The following LAMA1 variants were observed in gnomAD, a reference collection of about 807,000 sequenced individuals.
LAMA1 encodes the protein laminin subunit alpha 1.
A neutral mutation model predicts 348.7 loss-of-function variants in LAMA1; 219 were observed. The observed-to-expected ratio is 0.63, with a 90% CI of 0.56 to 0.70. LAMA1 has a LOEUF of 0.70. Among genes scored for constraint, LAMA1 ranks in the 30% least tolerant of loss-of-function variants. The pLI, the probability that LAMA1 is intolerant of heterozygous loss-of-function variation, is 0.00. For missense variants in LAMA1, 3,744 were observed against 3,888.0 expected (o/e 0.96, Z 0.99); for synonymous variants, 1,487 against 1,491.0 (o/e 1.00, Z 0.06).
At chr18:7,013,180 G>A (rs968116189) in intron 23 of LAMA1, among the ~76,000 whole-genome samples, 1 of 151,720 alleles carries the variant, frequency 6.6e-6, no homozygotes, top group African/African-American at 2.4e-5. Flanking sequence ...AAATAAGGCC[G>A]AAAACGGGGA....
At chr18:7,034,896 T>A (rs1030181282) in intron 13 of LAMA1, among the ~76,000 whole-genome samples, 1 of 152,188 alleles carries the variant, frequency 6.6e-6, no homozygotes, top group Non-Finnish European at 1.5e-5. Flanking sequence ...GTTCTGGTAA[T>A]AAACTGAAAG....
intron 3 of LAMA1, among the ~76,000 whole-genome samples, chr18:7,069,517 A>T (rs2058137400): frequency 6.6e-6 from 1 of 152,140 alleles, no homozygotes; most frequent in Non-Finnish European, 1.5e-5. Context: ...ATCTTTCCCA[A>T]GTTGAATCTC....
chr18:7,045,903 G>A (rs887491889), intron 6 of LAMA1, among the ~76,000 whole-genome samples: 7 of 151,596 alleles, frequency 4.6e-5, no homozygotes, highest in Admixed American at 6.6e-5. Context: ...GGAGAAAATA[G>A]GAAGAGAAAA....
At position 7,024,330 on chromosome 18, in the gene LAMA1, A is replaced by G. The variant is rs748343032; in HGVS notation, c.2489+50T>C. The stretch of plus-strand genomic sequence containing the variant: ...TACGCATTTAAAAATAAACACATAG[A>G]ATTTATATTTAATTTCGAAAATGTG... On this transcript the variant is annotated intron_variant, in intron 18 of 62. Transcript: ENST00000389658. 2.8e-6 allele frequency: 4 copies of G among 1,410,318 alleles called. No individual in the cohort carries two copies. The South Asian group carries it at 4.8e-5, about 17-fold the overall frequency. 87.4% of individuals were successfully genotyped at this position (1,410,318 alleles called of 1,614,324 possible). A position where few individuals can be genotyped will look rare whatever the true frequency, so the allele number is the denominator to read the frequency against.
At position 6,943,236 on chromosome 18, in the gene LAMA1, T is replaced by G. The variant is rs756115640; in HGVS notation, c.9011A>C (p.His3004Pro). 6.2e-7 allele frequency: 1 copy of G among 1,614,216 alleles called. No individual in the cohort carries two copies. Among genetic ancestry groups the G allele is most frequent in the East Asian group, 2.2e-5 (1 of 44,880 alleles). The change falls in exon 62 of 63, where the codon CAC (histidine) becomes CCC (proline). Residue 3004 changes from histidine to proline, a missense_variant. This residue lies in a region of LAMA1 where 232 missense variants were observed against 264.4 expected (regional missense o/e 0.88). Transcript: ENST00000389658. ...GGTGTCCACTGAGGTAGACTGGGTG[T>G]GTGGACTTTCAGCGCCAACTGCGTT... Reference protein sequence around the residue: ...DGNAVGAESPHTQSTSVDTNN... With the variant: ...DGNAVGAESPPTQSTSVDTNN...
intron 1 of LAMA1, among the ~76,000 whole-genome samples, chr18:7,100,274 TA>T (rs138510383): frequency 0.018 from 2,691 of 152,234 alleles, 83 homozygotes; most frequent in African/African-American, 0.062. Context: ...TCAATGTCAT[TA>T]ATCATTGGAG....
chr18:6,988,334 C>T (rs760706302), intron 36 of LAMA1, among the ~76,000 whole-genome samples: 2 of 152,176 alleles, frequency 1.3e-5, no homozygotes, highest in Non-Finnish European at 2.9e-5. Flanking sequence ...CACCAATGTC[C>T]CATGAACTGC....
intron 1 of LAMA1, among the ~76,000 whole-genome samples, chr18:7,085,019 T>C (rs2058208908): frequency 6.6e-6 from 1 of 151,842 alleles, no homozygotes; most frequent in African/African-American, 2.4e-5. Flanking sequence ...AGTATGAGGT[T>C]TTTTTTCCAT....
At chr18:6,949,784 GA>G (rs2057538105) in intron 58 of LAMA1, among the ~76,000 whole-genome samples, 1 of 152,168 alleles carries the variant, frequency 6.6e-6, no homozygotes, top group East Asian at 1.9e-4. Context: ...CTTGCTCAGG[GA>G]CCAAAATCGC....
intron 5 of LAMA1, among the ~76,000 whole-genome samples, chr18:7,047,413 C>T (rs775245113): frequency 5.9e-5 from 9 of 151,988 alleles, no homozygotes; most frequent in Non-Finnish European, 1.2e-4. Flanking sequence ...TAAAACTCTG[C>T]CAAAGAGAAT....
intron 51 of LAMA1, among the ~76,000 whole-genome samples, chr18:6,964,444 G>T (rs554464667): frequency 6.6e-6 from 1 of 152,262 alleles, no homozygotes; most frequent in African/African-American, 2.4e-5. Flanking sequence ...TCCCTGAGGC[G>T]ACCAGAAGCT....
At chr18:7,030,303 G>T (rs1179162045) in intron 16 of LAMA1, among the ~76,000 whole-genome samples, 2 of 152,170 alleles carry the variant, frequency 1.3e-5, no homozygotes, top group African/African-American at 4.8e-5. Flanking sequence ...CTGGCTGGGG[G>T]ACATTCCACA....
rs1323900678 is a variant in LAMA1, at chr18:7,049,066, T to C, written c.768+12A>G. 1 of 1,611,742 alleles carries C rather than the reference T, an allele frequency of 6.2e-7. No homozygotes were observed. Among genetic ancestry groups the C allele is most frequent in the Admixed American group, 1.7e-5 (1 of 60,014 alleles). ...TTTATTTTATTTGGCAGGACTGCCGTCCCATACTCACGCGTCTGGTAACAA... is the reference window on the plus strand; with the variant it reads ...TTTATTTTATTTGGCAGGACTGCCGCCCCATACTCACGCGTCTGGTAACAA... On this transcript the variant is annotated intron_variant, in intron 5 of 62. Coordinates refer to ENST00000389658, the MANE Select transcript of LAMA1 (RefSeq NM_005559.4).
At chr18:6,977,649 G>T in intron 44 of LAMA1, 78 bp downstream of exon 44, 1 of 1,556,938 alleles carries the variant, frequency 6.4e-7, no homozygotes, top group South Asian at 1.1e-5. Flanking sequence ...TGTGACTGAG[G>T]GCCATGTCTG....
intron 44 of LAMA1, 78 bp downstream of exon 44, chr18:6,977,649 G>A: frequency 6.4e-7 from 1 of 1,556,938 alleles, no homozygotes; most frequent in Non-Finnish European, 8.8e-7. Flanking sequence ...TGTGACTGAG[G>A]GCCATGTCTG....
At chr18:7,003,406 A>G (rs901874761) in intron 29 of LAMA1, among the ~76,000 whole-genome samples, 1 of 152,032 alleles carries the variant, frequency 6.6e-6, no homozygotes, top group Non-Finnish European at 1.5e-5. Flanking sequence ...GCCCACCACC[A>G]CAACCGGCTA....
rs745881589 is a variant in LAMA1, at chr18:7,007,203, G to T, written c.4196C>A (p.Pro1399His). ...GTTGTTGCAACTGCAGGGAACACAA[G>T]GAGCAACCAGAGGGCGTGGTCCCCT... ...SDRGPRPLVA[P>H]CVPCSCNNHS... Residue 1399 changes from proline (P) to histidine (H), a missense_variant, in exon 29 of 63, where the codon CCT becomes CAT. Transcript: ENST00000389658. 6 of 1,614,162 alleles carry T rather than the reference G, an allele frequency of 3.7e-6. No individual in the cohort carries two copies. In the South Asian group the frequency reaches 6.6e-5, roughly 18 times the overall value.
intron 60 of LAMA1, 131 bp from the exon 61 acceptor site, chr18:6,947,427 C>T: frequency 9.7e-7 from 1 of 1,031,246 alleles, no homozygotes; most frequent in South Asian, 1.3e-5. Context: ...TCCCCACCAG[C>T]AGGTCACTCC....
intron 51 of LAMA1, among the ~76,000 whole-genome samples, chr18:6,962,626 C>CA (rs2057613624): frequency 6.6e-6 from 1 of 152,158 alleles, no homozygotes; most frequent in Non-Finnish European, 1.5e-5. Flanking sequence ...CTACAGAAAA[C>CA]ACAGGCCAAT....
Sources: allele counts gnomAD v4.1 joint callset (sites outside exome capture counted in the v4.1 genomes callset), GRCh38; gene constraint gnomAD v4.1.1; regional missense constraint gnomAD v4.1.1; transcripts MANE v1.5; gene names NCBI Gene and HGNC (gene_info 2026-07-23, HGNC 2026-07-21).